Variants in ATXN1 observed in about 807,000 individuals in gnomAD.
The protein encoded by ATXN1 is ataxin 1.
In ATXN1, 8 loss-of-function variants were observed where a neutral mutation model predicts 56.4. That is an observed-to-expected ratio of 0.14 (90% confidence interval 0.08 to 0.26). The LOEUF (loss-of-function observed/expected upper bound fraction) is 0.26, where lower values mean the gene tolerates loss of function less well. Among genes scored for constraint, ATXN1 ranks in the 10% least tolerant of loss-of-function variants. The probability of loss-of-function intolerance (pLI) is 1.00; values close to 1 mark genes in which losing one functional copy is unlikely to be tolerated. For synonymous variants in ATXN1, 514 were observed against 494.6 expected (o/e 1.04, Z -0.52); for missense variants, 987 against 1,106.5 (o/e 0.89, Z 1.53).
At chr6:16,759,913 CAG>C (rs1362826125) in intron 1 of ATXN1, among the ~76,000 whole-genome samples, 1 of 152,132 alleles carries the variant, frequency 6.6e-6, no homozygotes, top group African/African-American at 2.4e-5. Flanking sequence ...CGGGGCGCTG[CAG>C]AGTCAGCCAA....
intron 6 of ATXN1, among the ~76,000 whole-genome samples, chr6:16,465,572 G>T (rs141316435): frequency 7.6e-4 from 116 of 152,286 alleles, no homozygotes; most frequent in African/African-American, 2.6e-3. Context: ...CTAGGAGGAT[G>T]CAATGATTCA....
At chr6:16,457,495 G>A (rs565928874) in intron 6 of ATXN1, among the ~76,000 whole-genome samples, 131 of 151,820 alleles carry the variant, frequency 8.6e-4, no homozygotes, top group African/African-American at 1.4e-3. Context: ...AATTTGTCCC[G>A]CAAACCCTGA....
intron 2 of ATXN1, among the ~76,000 whole-genome samples, chr6:16,702,242 C>G (rs1235875637): frequency 6.6e-6 from 1 of 152,142 alleles, no homozygotes; most frequent in Non-Finnish European, 1.5e-5. Context: ...GGAAAGGATT[C>G]CCTATTTAAT....
chr6:16,655,709 A>AT (rs199669847), intron 3 of ATXN1, among the ~76,000 whole-genome samples: 2,267 of 152,124 alleles, frequency 0.015, 27 homozygotes, highest in Middle Eastern at 0.065. Context: ...TAAATAAATA[A>AT]ATAAATTAAA....
chr6:16,356,003 G>T (rs769215827), intron 6 of ATXN1, among the ~76,000 whole-genome samples: 1 of 152,222 alleles, frequency 6.6e-6, no homozygotes, highest in African/African-American at 2.4e-5. Context: ...GGTTGGGCTC[G>T]TTCCTTCCCC....
At chr6:16,731,088 G>A (rs1011052863) in intron 2 of ATXN1, among the ~76,000 whole-genome samples, 1 of 152,134 alleles carries the variant, frequency 6.6e-6, no homozygotes, top group African/African-American at 2.4e-5. Flanking sequence ...CTCCCTGAAA[G>A]ACACTGTATA....
At chr6:16,731,945 A>G (rs552683280) in intron 2 of ATXN1, among the ~76,000 whole-genome samples, 4 of 152,276 alleles carry the variant, frequency 2.6e-5, no homozygotes, top group Admixed American at 2.6e-4. Context: ...GCTGGTGCCA[A>G]TTCCTATAGT....
At chr6:16,484,512 C>T (rs967517593) in intron 6 of ATXN1, among the ~76,000 whole-genome samples, 1 of 152,054 alleles carries the variant, frequency 6.6e-6, no homozygotes, top group South Asian at 2.1e-4. Context: ...TGGGGGCTCG[C>T]GACTTGCCCA....
rs1185624203 is a variant in ATXN1, at chr6:16,326,849, G to C, written c.1462C>G (p.Gln488Glu). 3.7e-6 allele frequency: 6 copies of C among 1,609,308 alleles called. No homozygotes were observed. Among genetic ancestry groups the C allele is most frequent in the Non-Finnish European group, 5.1e-6 (6 of 1,176,490 alleles). The stretch of plus-strand genomic sequence containing the variant: ...CTGCCGACCGGGATGAGCAGGGGCT[G>C]TGTGCCGGGGATCACCAGGTGCTGG... ...LPQHLVIPGT[Q>E]PLLIPVGSTD... Residue 488 changes from glutamine to glutamate, a missense_variant, in exon 7 of 8, where the codon CAG (glutamine) becomes GAG (glutamate). This residue lies in a region of ATXN1 where 723 missense variants were observed against 791.7 expected (regional missense o/e 0.91). Transcript: ENST00000436367. The surrounding 1 kb of genome is among the most constrained non-coding windows in gnomAD (Gnocchi z 6.6).
intron 5 of ATXN1, among the ~76,000 whole-genome samples, chr6:16,503,546 T>C (rs1250296700): frequency 6.6e-6 from 1 of 152,208 alleles, no homozygotes; most frequent in Non-Finnish European, 1.5e-5. Context: ...TAACTCCACA[T>C]ACACATTCAT....
At chr6:16,554,388 C>T (rs1157117923) in intron 4 of ATXN1, among the ~76,000 whole-genome samples, 1 of 152,250 alleles carries the variant, frequency 6.6e-6, no homozygotes, top group Non-Finnish European at 1.5e-5. Context: ...AATCTCTAAA[C>T]CCACCCGAGA....
chr6:16,474,335 C>T (rs903591909), intron 6 of ATXN1, among the ~76,000 whole-genome samples: 1 of 152,222 alleles, frequency 6.6e-6, no homozygotes, highest in Non-Finnish European at 1.5e-5. Flanking sequence ...CTTTTGGGAA[C>T]CCTTAGCCTG....
At chr6:16,309,072 TA>T (rs1348155371) in intron 7 of ATXN1, among the ~76,000 whole-genome samples, 6 of 148,880 alleles carry the variant, frequency 4.0e-5, no homozygotes, top group Admixed American at 1.3e-4. Flanking sequence ...TACAGAAATT[TA>T]AAAAAAAATA....
intron 6 of ATXN1, among the ~76,000 whole-genome samples, chr6:16,347,908 C>T (rs1387822136): frequency 1.3e-5 from 2 of 152,238 alleles, no homozygotes; most frequent in East Asian, 3.8e-4. Flanking sequence ...AATCTTGCTG[C>T]TGCTGTTCAC....
intron 5 of ATXN1, among the ~76,000 whole-genome samples, chr6:16,511,204 T>G (rs1761076098): frequency 1.3e-5 from 2 of 152,108 alleles, no homozygotes. Context: ...TTAATTTAGT[T>G]AGGGAGAGGA....
At chr6:16,337,561 G>A (rs1055535309) in intron 6 of ATXN1, among the ~76,000 whole-genome samples, 3 of 152,270 alleles carry the variant, frequency 2.0e-5, no homozygotes, top group Admixed American at 6.5e-5. Context: ...CAAATGAATT[G>A]TCTGACAGAG....
At chr6:16,412,340 G>A (rs775006887) in intron 6 of ATXN1, among the ~76,000 whole-genome samples, 17 of 152,192 alleles carry the variant, frequency 1.1e-4, no homozygotes, top group African/African-American at 2.6e-4. Context: ...AGCCTCCTGC[G>A]TGTCCCTTAT....
At chr6:16,641,671 A>T (rs1763708587) in intron 3 of ATXN1, among the ~76,000 whole-genome samples, 1 of 152,244 alleles carries the variant, frequency 6.6e-6, no homozygotes, top group Non-Finnish European at 1.5e-5. Flanking sequence ...GCCTGCTAAC[A>T]CAACACCCAT....
chr6:16,642,919 G>A (rs1461825805), intron 3 of ATXN1, among the ~76,000 whole-genome samples: 1 of 152,198 alleles, frequency 6.6e-6, no homozygotes, highest in East Asian at 1.9e-4. Flanking sequence ...AAAAATTTGT[G>A]TGATTTGCTG....
Sources: allele counts gnomAD v4.1 joint callset (sites outside exome capture counted in the v4.1 genomes callset), GRCh38; gene constraint gnomAD v4.1.1; regional missense constraint gnomAD v4.1.1; non-coding constraint Gnocchi (gnomAD v3.1); transcripts MANE v1.5; gene names NCBI Gene and HGNC (gene_info 2026-07-23, HGNC 2026-07-21).